Variants in RAB3B observed in about 807,000 individuals in gnomAD.
RAB3B encodes RAB3B, member RAS oncogene family.
RAB3B carries 11 observed loss-of-function variants against 20.5 expected under a neutral mutation model. The ratio of observed to expected loss-of-function variants is 0.54; its 90% CI spans 0.34 to 0.89. The LOEUF (loss-of-function observed/expected upper bound fraction) is 0.89. RAB3B is among the 40% of genes least tolerant of loss of function. The pLI, the probability that RAB3B is intolerant of heterozygous loss-of-function variation, is 0.02. For missense variants in RAB3B, 225 were observed against 280.9 expected (o/e 0.80, Z 1.42); for synonymous variants, 99 against 106.3 (o/e 0.93, Z 0.42).
At chr1:51,924,571 C>G (rs571605334) in intron 4 of RAB3B, among the ~76,000 whole-genome samples, 15 of 152,062 alleles carry the variant, frequency 9.9e-5, no homozygotes, top group Non-Finnish European at 1.9e-4. Flanking sequence ...ATCCTTAGAG[C>G]AGAAAACCCT....
chr1:51,939,577 T>C (rs1244280466), intron 2 of RAB3B, among the ~76,000 whole-genome samples: 1 of 151,834 alleles, frequency 6.6e-6, no homozygotes, highest in Non-Finnish European at 1.5e-5. Context: ...CGCTCGCCAG[T>C]GTACCCAGCT....
At chr1:51,945,913 A>T (rs1418579512) in intron 2 of RAB3B, among the ~76,000 whole-genome samples, 1 of 152,214 alleles carries the variant, frequency 6.6e-6, no homozygotes, top group Non-Finnish European at 1.5e-5. Context: ...TGGTTATTTT[A>T]TCTCTCTGAG....
intron 1 of RAB3B, among the ~76,000 whole-genome samples, chr1:51,988,227 C>T (rs1292196340): frequency 6.6e-6 from 1 of 152,194 alleles, no homozygotes; most frequent in Non-Finnish European, 1.5e-5. Flanking sequence ...GGGAGTTGGG[C>T]AAATGTGGAC....
chr1:51,939,728 C>T (rs1254051541), intron 2 of RAB3B, among the ~76,000 whole-genome samples: 1 of 152,168 alleles, frequency 6.6e-6, no homozygotes, highest in Non-Finnish European at 1.5e-5. Context: ...GCATGTGCCA[C>T]CATGCCTGGC....
intron 2 of RAB3B, among the ~76,000 whole-genome samples, chr1:51,962,560 T>C (rs1015453901): frequency 2.0e-5 from 3 of 152,178 alleles, no homozygotes; most frequent in African/African-American, 7.2e-5. Context: ...CCTCTGTTCA[T>C]GTCAATTATG....
intron 2 of RAB3B, among the ~76,000 whole-genome samples, chr1:51,972,585 T>C (rs1160617466): frequency 1.3e-5 from 2 of 151,216 alleles, no homozygotes; most frequent in African/African-American, 4.9e-5. Context: ...AGTTAAATGA[T>C]GTCATAAGAG....
chr1:51,933,539 A>C, intron 3 of RAB3B, 97 bp from the exon 4 acceptor site: 5 of 1,168,968 alleles, frequency 4.3e-6, no homozygotes, highest in Non-Finnish European at 6.1e-6. Context: ...CTAATCCCCA[A>C]TGTAATGGTA....
intron 2 of RAB3B, among the ~76,000 whole-genome samples, chr1:51,958,689 C>T (rs865816990): frequency 1.7e-4 from 26 of 151,358 alleles, no homozygotes; most frequent in African/African-American, 5.3e-4. Context: ...CGCCATTGCA[C>T]TCCAGCCTGG....
chr1:51,941,090 C>T (rs1424344577), intron 2 of RAB3B, among the ~76,000 whole-genome samples: 1 of 152,068 alleles, frequency 6.6e-6, no homozygotes, highest in Non-Finnish European at 1.5e-5. Flanking sequence ...CCAGGAGCAT[C>T]ACATGAAAGT....
At chr1:51,940,561 G>A (rs747466372) in intron 2 of RAB3B, among the ~76,000 whole-genome samples, 30 of 151,982 alleles carry the variant, frequency 2.0e-4, no homozygotes, top group African/African-American at 5.8e-4. Context: ...AGGCAGGGTC[G>A]CAGGGAGCTG....
Position 51,990,604 on chromosome 1 carries a change from G to C in RAB3B, c.-53C>G, listed in dbSNP as rs1037834973. The C allele has an allele frequency of 6.6e-6, 1 of 152,296 alleles. No homozygotes were observed. The highest frequency in any genetic ancestry group is 2.4e-5 in the African/African-American group (1 of 41,448). The allele number at this position is 152,296 out of a possible 1,614,324, so 9.4% of individuals were successfully genotyped here. ...TTCGCTCCCGGACGGTCGGCGGGACGGCAGGACCTGGCGTCGGGAGGGCGC... is the reference window on the plus strand; with the variant it reads ...TTCGCTCCCGGACGGTCGGCGGGACCGCAGGACCTGGCGTCGGGAGGGCGC... On this transcript the variant is annotated 5_prime_UTR_variant, in exon 1 of 5. Transcript: ENST00000371655.
chr1:51,970,904 G>T (rs961115949), intron 2 of RAB3B, among the ~76,000 whole-genome samples: 1 of 151,378 alleles, frequency 6.6e-6, no homozygotes, highest in South Asian at 2.1e-4. Flanking sequence ...CCAGCTACTC[G>T]GGAGACTGAG....
chr1:51,967,521 C>CTTTTTTTTTTCT (rs1684871103), intron 2 of RAB3B, among the ~76,000 whole-genome samples: 1 of 36,496 alleles, frequency 2.7e-5, no homozygotes, highest in African/African-American at 6.8e-5. Flanking sequence ...TTTTCTTTTT[C>CTTTTTTTTTTCT]TTTTTTTTTT....
intron 1 of RAB3B, among the ~76,000 whole-genome samples, chr1:51,987,981 G>A (rs374707002): frequency 2.9e-4 from 44 of 152,036 alleles, no homozygotes; most frequent in African/African-American, 6.5e-4. Flanking sequence ...GGGCTCAAGC[G>A]ATCCTCCTAC....
chr1:51,967,718 C>T (rs1003663160), intron 2 of RAB3B, among the ~76,000 whole-genome samples: 1 of 151,096 alleles, frequency 6.6e-6, no homozygotes, highest in African/African-American at 2.4e-5. Context: ...GAGACAAGGT[C>T]TCAGTATGTT....
At chr1:51,936,329 G>A (rs1478760459) in intron 3 of RAB3B, among the ~76,000 whole-genome samples, 1 of 152,154 alleles carries the variant, frequency 6.6e-6, no homozygotes, top group Non-Finnish European at 1.5e-5. Context: ...TTGCAACTCT[G>A]GGGTGCTGTA....
At chr1:51,946,101 T>C (rs1220343161) in intron 2 of RAB3B, among the ~76,000 whole-genome samples, 1 of 152,190 alleles carries the variant, frequency 6.6e-6, no homozygotes, top group Non-Finnish European at 1.5e-5. Flanking sequence ...AACTGTGAGG[T>C]GGTGATAATA....
rs1041122013 is a variant in RAB3B at position 51,972,571 on chromosome 1, T to C, written c.228+4319A>G. ...GGAGATGAGGCCTCAAAGGAAGTAA[T>C]CGAAGTTAAATGATGTCATAAGAGT... On this transcript the variant is annotated intron_variant, in intron 2 of 4. Coordinates refer to ENST00000371655, the MANE Select transcript of RAB3B (RefSeq NM_002867.4). Among the ~76,000 whole-genome samples, 3 of 149,312 alleles carry C rather than the reference T, an allele frequency of 2.0e-5. No homozygotes were observed. The Admixed American group carries it at 2.0e-4, about 10-fold the overall frequency.
intron 2 of RAB3B, among the ~76,000 whole-genome samples, chr1:51,941,914 A>C (rs1383986909): frequency 6.6e-6 from 1 of 152,236 alleles, no homozygotes; most frequent in African/African-American, 2.4e-5. Context: ...GAATGAATAA[A>C]TGAGGTTCTG....
Sources: allele counts gnomAD v4.1 joint callset (sites outside exome capture counted in the v4.1 genomes callset), GRCh38; gene constraint gnomAD v4.1.1; transcripts MANE v1.5; gene names NCBI Gene and HGNC (gene_info 2026-07-23, HGNC 2026-07-21).